The following PTK2 variants were observed in gnomAD, a reference collection of about 807,000 sequenced individuals.
The protein encoded by PTK2 is focal adhesion kinase 1.
Under a neutral mutation model 150.1 loss-of-function variants are expected in PTK2, and 45 were observed. That is an observed-to-expected ratio of 0.30 (90% confidence interval 0.24 to 0.38). The LOEUF (loss-of-function observed/expected upper bound fraction) is 0.38. PTK2 is among the 10% of genes least tolerant of loss of function. PTK2 has a pLI of 1.00. For missense variants in PTK2, 919 were observed against 1,307.3 expected, an observed-to-expected ratio of 0.70 and a Z score of 4.58; for synonymous variants, 432 against 449.2, an observed-to-expected ratio of 0.96 and a Z score of 0.48.
At chr8:141,001,545 G>T (rs917264071), upstream of PTK2, among the ~76,000 whole-genome samples, 14 of 147,964 alleles carry the variant, frequency 9.5e-5, no homozygotes, top group Non-Finnish European at 1.8e-4. Context: ...CTGGTCTCGG[G>T]GGTGGCCGGG....
chr8:140,796,995 T>C (rs1340609446), intron 12 of PTK2, among the ~76,000 whole-genome samples: 2 of 152,170 alleles, frequency 1.3e-5, no homozygotes, highest in Non-Finnish European at 2.9e-5. Context: ...TGCTCATTTT[T>C]TGCTATTATA....
intron 26 of PTK2, among the ~76,000 whole-genome samples, chr8:140,690,598 G>GA (rs2100022589): frequency 6.6e-6 from 1 of 152,096 alleles, no homozygotes; most frequent in Non-Finnish European, 1.5e-5. Context: ...AAAAATAGAT[G>GA]AAAAAATTAC....
chr8:140,857,436 G>A lies in PTK2; in HGVS notation c.450+6876C>T, dbSNP rs551750185. Among the ~76,000 whole-genome samples the A allele has an allele frequency of 7.1e-4, 108 of 152,268 alleles. 1 individual carries two copies. Among genetic ancestry groups the A allele is most frequent in the African/African-American group, 2.6e-3 (106 of 41,538 alleles). On this transcript the variant is annotated intron_variant, in intron 5 of 31. Coordinates refer to ENST00000522684, the Ensembl canonical transcript of PTK2. Reference sequence around the variant, plus strand: ...TTTGTATCAAATCCAAGTGTGGAAAGGCAATTAAGCATCATAACAATTCAA... The same window carrying A: ...TTTGTATCAAATCCAAGTGTGGAAAAGCAATTAAGCATCATAACAATTCAA...
At chr8:140,672,108 A>G (rs182959300) in intron 29 of PTK2, 8 of 447,256 alleles carry the variant, frequency 1.8e-5, no homozygotes, top group African/African-American at 1.4e-4. Context: ...CTACCTGTAA[A>G]GTTGGTTTTT....
chr8:140,890,070 C>A (rs2100153704), intron 3 of PTK2, among the ~76,000 whole-genome samples: 1 of 152,184 alleles, frequency 6.6e-6, no homozygotes, highest in Non-Finnish European at 1.5e-5. Flanking sequence ...AGATCAAGGA[C>A]TTCACAGGGA....
chr8:140,945,959 C>G (rs144799398), intron 1 of PTK2, among the ~76,000 whole-genome samples: 156 of 152,298 alleles, frequency 1.0e-3, no homozygotes, highest in African/African-American at 3.5e-3. Context: ...GTATTTTCTA[C>G]TCACCTGTCT....
In PTK2 at chr8:140,959,253, G is replaced by A. The variant is rs545400517; in HGVS notation, c.-121-33504C>T. Among the ~76,000 whole-genome samples, 17 of 151,988 alleles carry A rather than the reference G, an allele frequency of 1.1e-4. No individual in the cohort carries two copies. In the South Asian group the frequency reaches 1.7e-3, roughly 15 times the overall value. The stretch of plus-strand genomic sequence containing the variant: ...TATATTTTTTAAACAAAAGTAGGCC[G>A]GGCGCAGTGGCTCACGCCTGTAATC... On this transcript the variant is annotated intron_variant, in intron 1 of 31. Transcript: ENST00000522684.
At chr8:140,892,067 G>A (rs904014067) in intron 2 of PTK2, among the ~76,000 whole-genome samples, 2 of 152,148 alleles carry the variant, frequency 1.3e-5, no homozygotes, top group Non-Finnish European at 2.9e-5. Context: ...ATTAGCTTGG[G>A]CGTGGTAGCG....
intron 8 of PTK2, among the ~76,000 whole-genome samples, chr8:140,823,401 T>C (rs1328590227): frequency 6.6e-6 from 1 of 152,186 alleles, no homozygotes; most frequent in East Asian, 1.9e-4. Context: ...GTTCAATGCT[T>C]TTTAAAATTA....
intron 1 of PTK2, among the ~76,000 whole-genome samples, chr8:140,979,111 G>A (rs1218034453): frequency 2.3e-5 from 3 of 130,102 alleles, no homozygotes; most frequent in South Asian, 3.0e-4. Flanking sequence ...GGCCTGTTGT[G>A]GGGTGGGGGG....
At chr8:140,704,574 C>G (rs576118190) in intron 24 of PTK2, among the ~76,000 whole-genome samples, 1 of 152,290 alleles carries the variant, frequency 6.6e-6, no homozygotes, top group Admixed American at 6.5e-5. Context: ...CATGTTTTCT[C>G]AAAACAATGC....
chr8:140,686,235 C>G (rs183727365), intron 27 of PTK2, among the ~76,000 whole-genome samples: 1 of 152,170 alleles, frequency 6.6e-6, no homozygotes, highest in Admixed American at 6.6e-5. Context: ...CCGGGGCCCA[C>G]TTGAGGGTGG....
chr8:140,703,886 T>C (rs1195821477), intron 24 of PTK2, among the ~76,000 whole-genome samples: 2 of 152,178 alleles, frequency 1.3e-5, no homozygotes, highest in African/African-American at 4.8e-5. Context: ...AGTTAATTTT[T>C]TAGTGAGATA....
At chr8:140,992,348 T>C (rs1451808059) in intron 1 of PTK2, among the ~76,000 whole-genome samples, 2 of 150,628 alleles carry the variant, frequency 1.3e-5, no homozygotes, top group East Asian at 1.9e-4. Flanking sequence ...CATACCCCTG[T>C]AGTCCCAGTT....
intron 1 of PTK2, among the ~76,000 whole-genome samples, chr8:140,985,130 T>A (rs575634336): frequency 1.3e-5 from 2 of 152,290 alleles, no homozygotes; most frequent in South Asian, 2.1e-4. Context: ...TTTTTATTTT[T>A]TTATTTTTGT....
chr8:140,691,191 G>C (rs1455676857), intron 26 of PTK2, among the ~76,000 whole-genome samples: 1 of 144,750 alleles, frequency 6.9e-6, no homozygotes, highest in African/African-American at 2.5e-5. Flanking sequence ...TTTTAGAGAT[G>C]GTTGGGGGTG....
chr8:140,803,739 C>T, intron 10 of PTK2, 89 bp from the exon 11 acceptor site: 1 of 1,188,634 alleles, frequency 8.4e-7, no homozygotes, highest in Admixed American at 1.9e-5. Context: ...CCTCGTTGTC[C>T]TGAAGACATC....
intron 23 of PTK2, among the ~76,000 whole-genome samples, chr8:140,713,634 C>T (rs1196686127): frequency 6.6e-6 from 1 of 152,158 alleles, no homozygotes; most frequent in African/African-American, 2.4e-5. Context: ...TTCTAGGATA[C>T]TTTTATCCTG....
At chr8:140,857,584 G>T (rs2100133468) in intron 5 of PTK2, among the ~76,000 whole-genome samples, 1 of 152,154 alleles carries the variant, frequency 6.6e-6, no homozygotes. Context: ...GGAAAATGGG[G>T]CAGAGGGACG....
Sources: gnomAD v4.1 joint callset for allele counts (sites outside exome capture counted in the v4.1 genomes callset) on GRCh38, gnomAD v4.1.1 for gene constraint, MANE v1.5 for transcripts, NCBI Gene and HGNC (gene_info 2026-07-23, HGNC 2026-07-21) for gene names.